Variants in PDCD5 observed in about 807,000 individuals in gnomAD.
PDCD5 encodes programmed cell death protein 5.
A neutral mutation model predicts 21.9 loss-of-function variants in PDCD5; 23 were observed. The observed-to-expected ratio is 1.05, with a 90% confidence interval of 0.76 to 1.49. PDCD5 has a LOEUF of 1.49. PDCD5 is among the 40% of genes most tolerant of loss of function. PDCD5 has a pLI of 0.00. For synonymous variants in PDCD5, 45 were observed against 49.4 expected, an observed-to-expected ratio of 0.91 and a Z score of 0.37; for missense variants, 152 against 147.7, an observed-to-expected ratio of 1.03 and a Z score of -0.15.
At position 32,582,198 on chromosome 19, in the gene PDCD5, C is replaced by G; in HGVS notation, c.70C>G (p.Pro24Ala). 1 of 1,611,744 alleles carries G rather than the reference C, an allele frequency of 6.2e-7. No homozygotes were observed. The highest frequency in any genetic ancestry group is 8.5e-7 in the Non-Finnish European group (1 of 1,178,452). ...LAELQAKHGD[P>A]GDAAQQEAKH... ...AATTTAAGTTTTTTTTTTCCAGGAT[C>G]CTGGTGATGCGGCCCAACAGGAAGC... is the stretch of plus-strand genomic sequence containing the variant. Residue 24 changes from proline to alanine, a missense_variant, in exon 2 of 6, where the codon CCT becomes GCT. Physicochemically the swap from Pro to Ala is conservative, Grantham distance 27 (BLOSUM62 -1). Transcript: ENST00000590247.
chr19:32,583,734 G>T (rs1599722125), intron 2 of PDCD5, among the ~76,000 whole-genome samples: 1 of 152,054 alleles, frequency 6.6e-6, no homozygotes, highest in Non-Finnish European at 1.5e-5. Flanking sequence ...GGCCGAGGGG[G>T]AAGAATCACT....
At position 32,586,744 on chromosome 19, in the gene PDCD5, C is replaced by T. The variant is rs776446611; in HGVS notation, c.259-114C>T. ...TCAACCTCCTGCCTCACCACTGCTT[C>T]CTTCCTGAGCTCTTTCCCCACACCT... On this transcript the variant is annotated intron_variant, in intron 4 of 5. Transcript: ENST00000590247. 4.2e-6 allele frequency: 6 copies of T among 1,421,254 alleles called. No individual in the cohort carries two copies. In the South Asian group the frequency reaches 1.0e-4, roughly 25 times the overall value. The allele number at this position is 1,421,254 out of a possible 1,614,324, so 88.0% of individuals were successfully genotyped here.
chr19:32,586,341 C>T (rs1045539326), intron 4 of PDCD5: 7 of 1,278,768 alleles, frequency 5.5e-6, no homozygotes, highest in South Asian at 3.5e-5. Flanking sequence ...GAGATCAAGA[C>T]GAACCCCACC....
Position 32,582,179 on chromosome 19 carries a change from A to C in PDCD5, c.67-16A>C, listed in dbSNP as rs1176378062. Reference sequence around the variant, plus strand: ...CCGTGAAATTTCTCTATTAAATTTAAGTTTTTTTTTTCCAGGATCCTGGTG... The same window carrying C: ...CCGTGAAATTTCTCTATTAAATTTACGTTTTTTTTTTCCAGGATCCTGGTG... On this transcript the variant is annotated splice_polypyrimidine_tract_variant and intron_variant, in intron 1 of 5. Coordinates refer to ENST00000590247, the MANE Select transcript of PDCD5 (RefSeq NM_004708.4). 6 of 1,578,958 alleles carry C rather than the reference A, an allele frequency of 3.8e-6. No individual in the cohort carries two copies. Among genetic ancestry groups the C allele is most frequent in the Non-Finnish European group, 5.2e-6 (6 of 1,149,622 alleles).
At chr19:32,582,855 G>T (rs1971442149) in intron 2 of PDCD5, among the ~76,000 whole-genome samples, 1 of 152,104 alleles carries the variant, frequency 6.6e-6, no homozygotes, top group Non-Finnish European at 1.5e-5. Context: ...CTCCTCTCCA[G>T]CAAATATTTA....
At position 32,581,279 on chromosome 19, in the gene PDCD5, T is replaced by TGA; in HGVS notation, c.20_21dup (p.Ala8ArgfsTer3). The TGA allele has an allele frequency of 6.5e-7, 1 of 1,528,484 alleles. No individual in the cohort carries two copies. The highest frequency in any genetic ancestry group is 8.8e-7 in the Non-Finnish European group (1 of 1,142,310). 94.7% of individuals were successfully genotyped at this position (1,528,484 alleles called of 1,614,324 possible). ...GCCGAGCCATGGCGGACGAGGAGCT[T>TGA]GAGGCGCTGAGGAGACAGAGGCTGG... On this transcript the variant is annotated frameshift_variant, in exon 1 of 6. Coordinates refer to ENST00000590247, the MANE Select transcript of PDCD5 (RefSeq NM_004708.4). LOFTEE classifies it high-confidence loss of function.
rs764343214 is a variant in PDCD5, at chr19:32,586,814, G to GT, written c.259-41dup. ...TTCCATCTGCAGAGGTAAATTCTTT[G>GT]TTTAAAAAAGTACTGTTTTTCTTAT... On this transcript the variant is annotated intron_variant, in intron 4 of 5. Transcript: ENST00000590247. 2.5e-6 allele frequency: 4 copies of GT among 1,585,558 alleles called. No individual in the cohort carries two copies. The South Asian group carries it at 4.7e-5, about 19-fold the overall frequency.
chr19:32,581,294 A>ACAGAGGCTGGGCCGAGCTG lies in PDCD5; in HGVS notation c.43_44insGCCGAGCTGCAGAGGCTGG (p.Ala15GlyfsTer18). The ACAGAGGCTGGGCCGAGCTG allele has an allele frequency of 6.5e-7, 1 of 1,530,602 alleles. No homozygotes were observed. Among genetic ancestry groups the ACAGAGGCTGGGCCGAGCTG allele is most frequent in the Non-Finnish European group, 8.7e-7 (1 of 1,143,324 alleles). 94.8% of individuals were successfully genotyped at this position (1,530,602 alleles called of 1,614,324 possible). A position where few individuals can be genotyped will look rare whatever the true frequency, so the allele number is the denominator to read the frequency against. On this transcript the variant is annotated frameshift_variant, in exon 1 of 6. Coordinates refer to ENST00000590247, the MANE Select transcript of PDCD5 (RefSeq NM_004708.4). LOFTEE classifies it high-confidence loss of function. ...ACGAGGAGCTTGAGGCGCTGAGGAG[A>ACAGAGGCTGGGCCGAGCTG]CAGAGGCTGGCCGAGCTGCAGGCCA...
intron 4 of PDCD5, chr19:32,586,119 C>T (rs1271320528): frequency 1.5e-5 from 23 of 1,514,116 alleles, no homozygotes; most frequent in Non-Finnish European, 2.0e-5. Context: ...GCTCTGGAAC[C>T]TTGTTGGTGT....
intron 4 of PDCD5, chr19:32,586,189 G>A (rs1048431319): frequency 1.5e-5 from 21 of 1,446,776 alleles, no homozygotes; most frequent in Admixed American, 5.5e-5. Flanking sequence ...TGGAAGCAAG[G>A]TTTGTCAGTA....
chr19:32,586,995 A>C (rs1391990756), intron 5 of PDCD5, 66 bp downstream of exon 5: 2 of 1,256,998 alleles, frequency 1.6e-6, no homozygotes. Context: ...TGTTGAGTAT[A>C]CATCTACCAC....
chr19:32,586,944 A>G lies in PDCD5; in HGVS notation c.330+15A>G. ...CAACAGTGAAAGTAAGTGTCCCCAG[A>G]TGCTTGTGGCAAATGAAAAGATGGA... On this transcript the variant is annotated intron_variant, in intron 5 of 5. Coordinates refer to ENST00000590247, the MANE Select transcript of PDCD5 (RefSeq NM_004708.4). 6.3e-7 allele frequency: 1 copy of G among 1,584,398 alleles called. No homozygotes were observed. Among genetic ancestry groups the G allele is most frequent in the East Asian group, 2.2e-5 (1 of 44,738 alleles).
intron 4 of PDCD5, chr19:32,586,570 A>C (rs371840976): frequency 8.6e-7 from 1 of 1,157,158 alleles, no homozygotes. Flanking sequence ...TGTCACACTC[A>C]GCTAGTGATG....
chr19:32,581,296 A>T lies in PDCD5; in HGVS notation c.35A>T (p.Gln12Leu), dbSNP rs1184244485. 1 of 1,529,268 alleles carries T rather than the reference A, an allele frequency of 6.5e-7. No individual in the cohort carries two copies. Among genetic ancestry groups the T allele is most frequent in the East Asian group, 2.6e-5 (1 of 38,108 alleles). The allele number at this position is 1,529,268 out of a possible 1,614,324, so 94.7% of individuals were successfully genotyped here. A position where few individuals can be genotyped will look rare whatever the true frequency, so the allele number is the denominator to read the frequency against. Reference sequence around the variant, plus strand: ...GAGGAGCTTGAGGCGCTGAGGAGACAGAGGCTGGCCGAGCTGCAGGCCAAA... The same window carrying T: ...GAGGAGCTTGAGGCGCTGAGGAGACTGAGGCTGGCCGAGCTGCAGGCCAAA... Reference protein sequence around the residue: ...ADEELEALRRQRLAELQAKHG... With the variant: ...ADEELEALRRLRLAELQAKHG... Residue 12 changes from glutamine (Q) to leucine (L), a missense_variant, in exon 1 of 6, where the codon CAG becomes CTG. Gln to Leu is a moderately radical substitution (Grantham distance 113). Coordinates refer to ENST00000590247, the MANE Select transcript of PDCD5 (RefSeq NM_004708.4).
intron 3 of PDCD5, 28 bp from the exon 4 acceptor site, chr19:32,585,788 T>G (rs1407090794): frequency 3.1e-6 from 4 of 1,295,836 alleles, no homozygotes; most frequent in Non-Finnish European, 4.5e-6. Flanking sequence ...TTTAATGGAT[T>G]TTTTGCATAT....
intron 5 of PDCD5, 139 bp from the exon 6 acceptor site, chr19:32,587,114 C>A: frequency 1.3e-6 from 1 of 791,492 alleles, no homozygotes; most frequent in East Asian, 2.6e-5. Context: ...GCTCTTGACT[C>A]CATTCCCACC....
At chr19:32,586,266 C>T (rs1173885665) in intron 4 of PDCD5, 14 of 1,418,668 alleles carry the variant, frequency 9.9e-6, no homozygotes, top group Non-Finnish European at 1.3e-5. Flanking sequence ...TGCTAAGATG[C>T]CTTGCTTATG....
At chr19:32,586,988 T>G in intron 5 of PDCD5, 59 bp downstream of exon 5, 1 of 1,320,380 alleles carries the variant, frequency 7.6e-7, no homozygotes, top group Non-Finnish European at 1.1e-6. Flanking sequence ...AGATTAATGT[T>G]GAGTATACAT....
Position 32,581,280 on chromosome 19 carries a change from G to C in PDCD5, c.19G>C (p.Glu7Gln). Residue 7 changes from glutamate (E) to glutamine (Q), a missense_variant, in exon 1 of 6, where the codon GAG (glutamate) becomes CAG (glutamine). Physicochemically the swap from Glu to Gln is conservative, Grantham distance 29. Coordinates refer to ENST00000590247, the MANE Select transcript of PDCD5 (RefSeq NM_004708.4). Reference protein sequence around the residue: MADEELEALRRQRLAEL... With the variant: MADEELQALRRQRLAEL... ...CCGAGCCATGGCGGACGAGGAGCTT[G>C]AGGCGCTGAGGAGACAGAGGCTGGC... The C allele has an allele frequency of 1.3e-6, 2 of 1,529,416 alleles. No individual in the cohort carries two copies. Among genetic ancestry groups the C allele is most frequent in the Non-Finnish European group, 1.8e-6 (2 of 1,142,814 alleles). The allele number at this position is 1,529,416 out of a possible 1,614,324, so 94.7% of individuals were successfully genotyped here. A position where few individuals can be genotyped will look rare whatever the true frequency, so the allele number is the denominator to read the frequency against.
Sources: gnomAD v4.1 joint callset for allele counts (sites outside exome capture counted in the v4.1 genomes callset) on GRCh38, gnomAD v4.1.1 for gene constraint, MANE v1.5 for transcripts, NCBI Gene and HGNC (gene_info 2026-07-23, HGNC 2026-07-21) for gene names.